SSC5D: variants seen among roughly 807,000 people sequenced by gnomAD.
The protein encoded by SSC5D is soluble scavenger receptor cysteine-rich domain-containing protein SSC5D.
In SSC5D, 106 loss-of-function variants were observed where a neutral mutation model predicts 104.6. The observed-to-expected ratio is 1.01, with a 90% confidence interval of 0.87 to 1.19. SSC5D has a LOEUF of 1.19. SSC5D is among the 50% of genes most tolerant of loss of function. The pLI, the probability that SSC5D is intolerant of heterozygous loss-of-function variation, is 0.00. For synonymous variants in SSC5D, 860 were observed against 883.5 expected, an observed-to-expected ratio of 0.97 and a Z score of 0.47; for missense variants, 1,993 against 2,153.8, an observed-to-expected ratio of 0.93 and a Z score of 1.48.
In SSC5D at chr19:55,518,891, G is replaced by A; in HGVS notation, c.4615G>A (p.Gly1539Ser). Residue 1539 changes from glycine (G) to serine (S), a missense_variant, in exon 14 of 14, where the codon GGT becomes AGT. Physicochemically the swap from Gly to Ser is moderately conservative, Grantham distance 56. Transcript: ENST00000389623. ...AGCTGCCCGGGGTCTGGGGCAGCTG[G>A]GTGAGGCTGTGAAGAGACTGGCAGA... ...VEAARGLGQL[G>S]EAVKRLAEMA... 1.3e-6 allele frequency: 2 copies of A among 1,550,330 alleles called. No individual in the cohort carries two copies. Among genetic ancestry groups the A allele is most frequent in the Non-Finnish European group, 1.7e-6 (2 of 1,146,984 alleles).
chr19:55,489,207 C>G, intron 2 of SSC5D, 147 bp from the exon 3 acceptor site: 2 of 1,061,990 alleles, frequency 1.9e-6, no homozygotes, highest in South Asian at 3.7e-5. Flanking sequence ...TCTCTGAGCA[C>G]CCAGGAGTCT....
rs1403936752 is a variant in SSC5D at position 55,500,393 on chromosome 19, T to C, written c.2283T>C (p.Val761=). 1 of 1,551,094 alleles carries C rather than the reference T, an allele frequency of 6.4e-7. No homozygotes were observed. Among genetic ancestry groups the C allele is most frequent in the Non-Finnish European group, 8.7e-7 (1 of 1,146,702 alleles). Residue 761 remains valine (V), a synonymous_variant, in exon 10 of 14, where the codon GTT becomes GTC. Coordinates refer to ENST00000389623, the MANE Select transcript of SSC5D (RefSeq NM_001144950.2). This position sits in a 1 kb window ranked among gnomAD's most constrained non-coding sequence, Gnocchi z 4.6. ...AAGACCCGGCCCCCTCTCCCAGTGT[T>C]AGCACCACTGGGGAATCAGGTGAGT... ...SPKDPAPSPS[V]STTGESGLFR...
Position 55,493,607 on chromosome 19 carries a change from G to C in SSC5D, c.908G>C (p.Arg303Pro), listed in dbSNP as rs553199069. The stretch of plus-strand genomic sequence containing the variant: ...TCCCACTATCCAGGCCCAGCACCTC[G>C]GCTGCGCCTGGCCGATGGCCCCCAC... ...AGLVCTGPAP[R>P]LRLADGPHGC... Residue 303 changes from arginine to proline, a missense_variant, in exon 7 of 14, where the codon CGG becomes CCG. This residue lies in a region of SSC5D where 1,101 missense variants were observed against 1,085.0 expected (regional missense o/e 1.01). Transcript: ENST00000389623. 8 of 1,459,392 alleles carry C rather than the reference G, an allele frequency of 5.5e-6. No homozygotes were observed. Among genetic ancestry groups the C allele is most frequent in the Non-Finnish European group, 7.2e-6 (8 of 1,118,608 alleles). 90.4% of individuals were successfully genotyped at this position (1,459,392 alleles called of 1,614,324 possible).
At chr19:55,504,199 C>T in intron 12 of SSC5D, 2 of 1,533,424 alleles carry the variant, frequency 1.3e-6, no homozygotes, top group African/African-American at 1.4e-5. Context: ...CATAGCGCCC[C>T]CTCGTGGTGG....
chr19:55,517,948 CT>C lies in SSC5D; in HGVS notation c.3674del (p.Phe1225SerfsTer31). The C allele has an allele frequency of 1.3e-6, 2 of 1,540,782 alleles. No individual in the cohort carries two copies. The highest frequency in any genetic ancestry group is 2.0e-5 in the Admixed American group (1 of 49,678). On this transcript the variant is annotated frameshift_variant, in exon 14 of 14. Coordinates refer to ENST00000389623, the MANE Select transcript of SSC5D (RefSeq NM_001144950.2). LOFTEE classifies it low-confidence loss of function (END_TRUNC). ...CTGACCCCACCACAACCCCTCAACC[CT>C]TCACCACCATGCAGCCCACCACAAC... ...IPDPTTTPQP[F>X]TTMQPTTTPH...
At chr19:55,507,113 G>A (rs1029293514) in intron 12 of SSC5D, among the ~76,000 whole-genome samples, 11 of 151,678 alleles carry the variant, frequency 7.3e-5, no homozygotes, top group Non-Finnish European at 1.5e-4. Flanking sequence ...AGGCCACAGC[G>A]AGCCAAGATT....
intron 8 of SSC5D, among the ~76,000 whole-genome samples, chr19:55,495,069 A>G (rs928825536): frequency 1.3e-5 from 2 of 151,330 alleles, no homozygotes; most frequent in African/African-American, 4.9e-5. Flanking sequence ...AGTCTGCTCT[A>G]TTCCCAAGCT....
intron 9 of SSC5D, among the ~76,000 whole-genome samples, chr19:55,499,219 G>A (rs1987406847): frequency 6.6e-6 from 1 of 152,222 alleles, no homozygotes; most frequent in Non-Finnish European, 1.5e-5. Context: ...CCCAGGAGCC[G>A]GGGAAAAGGC....
intron 12 of SSC5D, among the ~76,000 whole-genome samples, chr19:55,501,757 C>A (rs1265819505): frequency 6.6e-6 from 1 of 152,210 alleles, no homozygotes; most frequent in Non-Finnish European, 1.5e-5. Context: ...ACACCTGGGA[C>A]CACGCCCCGC....
chr19:55,514,598 TAAAAAA>T (rs34453728), intron 13 of SSC5D, among the ~76,000 whole-genome samples: 1 of 124,016 alleles, frequency 8.1e-6, no homozygotes, highest in East Asian at 2.3e-4. Context: ...AAGACTCTGT[TAAAAAA>T]AAAAAAAAAA....
intron 13 of SSC5D, among the ~76,000 whole-genome samples, chr19:55,515,151 T>TA (rs1187411435): frequency 7.2e-5 from 11 of 151,912 alleles, no homozygotes; most frequent in Admixed American, 6.6e-4. Flanking sequence ...TCCAGCACTT[T>TA]GGGAGGCTGA....
chr19:55,494,825 T>C, intron 8 of SSC5D, 42 bp downstream of exon 8: 1 of 1,493,718 alleles, frequency 6.7e-7, no homozygotes, highest in Non-Finnish European at 9.0e-7. Flanking sequence ...GGTCCTTCCT[T>C]CTGTTTCCTT....
intron 12 of SSC5D, among the ~76,000 whole-genome samples, chr19:55,509,346 C>G (rs569634206): frequency 1.6e-4 from 24 of 152,270 alleles, no homozygotes; most frequent in Non-Finnish European, 2.4e-4. Flanking sequence ...TGCTTCCATA[C>G]AGCAATTCCA....
Position 55,497,954 on chromosome 19 carries a change from T to C in SSC5D, c.1462T>C (p.Trp488Arg). ...ACTGGAGGTGTGGCATGACCAGCGC[T>C]GGGGGACCGTGTGTGACGATAGCTG... ...GRLEVWHDQR[W>R]GTVCDDSWDM... Residue 488 changes from tryptophan to arginine, a missense_variant, in exon 9 of 14, where the codon TGG becomes CGG. Trp to Arg is a moderately radical substitution (Grantham distance 101, BLOSUM62 -3). Coordinates refer to ENST00000389623, the MANE Select transcript of SSC5D (RefSeq NM_001144950.2). 5.8e-6 allele frequency: 9 copies of C among 1,551,804 alleles called. No homozygotes were observed. The highest frequency in any genetic ancestry group is 1.4e-5 in the African/African-American group (1 of 73,168).
intron 12 of SSC5D, among the ~76,000 whole-genome samples, chr19:55,509,691 T>C (rs1255475111): frequency 6.6e-6 from 1 of 150,966 alleles, no homozygotes. Flanking sequence ...ACACTGTCTC[T>C]ACTTAAAATA....
chr19:55,519,048 A>AC lies in SSC5D; in HGVS notation c.*50_*51insC. On this transcript the variant is annotated 3_prime_UTR_variant, in exon 14 of 14. Transcript: ENST00000389623. The stretch of plus-strand genomic sequence containing the variant: ...AAGACACCCCCAACCAAAAAAAACA[A>AC]AAACAAAAAAAACCCCCAAAGTATC... 6.7e-7 allele frequency: 1 copy of AC among 1,497,308 alleles called. No individual in the cohort carries two copies. The highest frequency in any genetic ancestry group is 1.4e-5 in the African/African-American group (1 of 70,260). The allele number at this position is 1,497,308 out of a possible 1,614,324, so 92.8% of individuals were successfully genotyped here.
chr19:55,500,463 C>T lies in SSC5D; in HGVS notation c.2303-27C>T, dbSNP rs762264260. 2.8e-5 allele frequency: 44 copies of T among 1,549,046 alleles called. No homozygotes were observed. Among genetic ancestry groups the T allele is most frequent in the Non-Finnish European group, 3.7e-5 (42 of 1,145,142 alleles). On this transcript the variant is annotated intron_variant, in intron 10 of 13. Transcript: ENST00000389623. The surrounding 1 kb of genome is among the most constrained non-coding windows in gnomAD (Gnocchi z 4.6). ...AGAGAATGGGAGAGGCTGACCCTCC[C>T]TCCTGACCTAAGGGCCTTCCACGCA...
In SSC5D at chr19:55,519,063, C is replaced by T; in HGVS notation, c.*65C>T. 1 of 1,449,342 alleles carries T rather than the reference C, an allele frequency of 6.9e-7. No individual in the cohort carries two copies. Among genetic ancestry groups the T allele is most frequent in the Non-Finnish European group, 9.3e-7 (1 of 1,080,662 alleles). The allele number at this position is 1,449,342 out of a possible 1,614,324, so 89.8% of individuals were successfully genotyped here. A position where few individuals can be genotyped will look rare whatever the true frequency, so the allele number is the denominator to read the frequency against. On this transcript the variant is annotated 3_prime_UTR_variant, in exon 14 of 14. Transcript: ENST00000389623. ...AAAAAAAACAAAAACAAAAAAAACCCCCAAAGTATCTAATTAAAAACAAGG... is the reference window on the plus strand; with the variant it reads ...AAAAAAAACAAAAACAAAAAAAACCTCCAAAGTATCTAATTAAAAACAAGG...
In SSC5D at chr19:55,489,404, G is replaced by C. The variant is rs1400723416; in HGVS notation, c.103G>C (p.Val35Leu). ...GPHGCAGRLE[V>L]WHGGRWGTVC... ...CCATGGGTGCGCTGGCCGCCTGGAG[G>C]TCTGGCATGGCGGGCGCTGGGGCAC... Residue 35 changes from valine to leucine, a missense_variant, in exon 3 of 14, where the codon GTC becomes CTC. Val to Leu is a conservative substitution (Grantham distance 32). Around this residue, in one of 6 missense-constraint regions of SSC5D, gnomAD observed 1,101 missense variants for 1,085.0 expected, o/e 1.01. Coordinates refer to ENST00000389623, the MANE Select transcript of SSC5D (RefSeq NM_001144950.2). 2.7e-6 allele frequency: 4 copies of C among 1,490,510 alleles called. No individual in the cohort carries two copies. In the Admixed American group the frequency reaches 9.7e-5, roughly 36 times the overall value. The allele number at this position is 1,490,510 out of a possible 1,614,324, so 92.3% of individuals were successfully genotyped here.
Sources: allele counts gnomAD v4.1 joint callset (sites outside exome capture counted in the v4.1 genomes callset), GRCh38; gene constraint gnomAD v4.1.1; regional missense constraint gnomAD v4.1.1; non-coding constraint Gnocchi (gnomAD v3.1); transcripts MANE v1.5; gene names NCBI Gene and HGNC (gene_info 2026-07-23, HGNC 2026-07-21).